Variants in FNDC3B observed in about 807,000 individuals in gnomAD.
FNDC3B encodes the protein fibronectin type III domain-containing protein 3B.
In FNDC3B, 12 loss-of-function variants were observed where a neutral mutation model predicts 151.5. The ratio of observed to expected loss-of-function variants is 0.08; its 90% CI spans 0.05 to 0.13. The LOEUF (loss-of-function observed/expected upper bound fraction) is 0.13, where lower values mean the gene tolerates loss of function less well. FNDC3B is among the 10% of genes least tolerant of loss of function. The pLI is 1.00. For missense variants in FNDC3B, 1,214 were observed against 1,505.3 expected (o/e 0.81, Z 3.20); for synonymous variants, 528 against 549.0 (o/e 0.96, Z 0.54).
intron 3 of FNDC3B, among the ~76,000 whole-genome samples, chr3:172,193,175 G>T (rs796306724): frequency 3.3e-5 from 1 of 30,668 alleles, no homozygotes. Context: ...CCTCATTCCC[G>T]CCCTTCCTCT....
At chr3:172,152,436 G>A (rs867287647) in intron 3 of FNDC3B, among the ~76,000 whole-genome samples, 1 of 152,120 alleles carries the variant, frequency 6.6e-6, no homozygotes, top group Admixed American at 6.5e-5. Flanking sequence ...GTGTTTCCAC[G>A]GGTGTGTTGC....
intron 16 of FNDC3B, among the ~76,000 whole-genome samples, chr3:172,340,671 A>G (rs368335289): frequency 6.6e-5 from 10 of 152,296 alleles, no homozygotes; most frequent in South Asian, 6.2e-4. Context: ...CTCTAGGCAG[A>G]TAAGAACAGG....
In FNDC3B at chr3:172,394,106, T is replaced by TTAAAAAAAAAA. The variant is rs1736153949; in HGVS notation, c.3304-3058_3304-3057insTAAAAAAAAAA. ...CTGGGTGACAGAGTGAGACTCCTTC[T>TTAAAAAAAAAA]AAAAAAAAAAAAAAAAAAAAAAAAA... is the stretch of plus-strand genomic sequence containing the variant. On this transcript the variant is annotated intron_variant, in intron 25 of 25. Transcript: ENST00000415807. 1.2e-3 allele frequency among the ~76,000 whole-genome samples: 20 copies of TTAAAAAAAAAA among 16,646 alleles called. 1 individual carries two copies. Among genetic ancestry groups the TTAAAAAAAAAA allele is most frequent in the Non-Finnish European group, 1.9e-3 (17 of 8,870 alleles). The allele number at this position is 16,646 out of a possible 152,430, so 10.9% of individuals were successfully genotyped here.
At chr3:172,099,126 TGAAAG>T (rs1719242646) in intron 1 of FNDC3B, among the ~76,000 whole-genome samples, 1 of 152,214 alleles carries the variant, frequency 6.6e-6, no homozygotes, top group Admixed American at 6.5e-5. Context: ...TTTTTAAAAA[TGAAAG>T]GGAAGTCTCT....
rs142977930 is a variant in FNDC3B, at chr3:172,072,694, A to T, written c.-29+32923A>T. Among the ~76,000 whole-genome samples, 71 of 152,312 alleles carry T rather than the reference A, an allele frequency of 4.7e-4. 2 individuals are homozygous for T. Among genetic ancestry groups the T allele is most frequent in the African/African-American group, 1.6e-3 (68 of 41,564 alleles). ...CAAGCTTAACATTAGGCGTGATGATAAGATAGTAAAATGGACTTTGTGGGC... is the reference window on the plus strand; with the variant it reads ...CAAGCTTAACATTAGGCGTGATGATTAGATAGTAAAATGGACTTTGTGGGC... On this transcript the variant is annotated intron_variant, in intron 1 of 25. Transcript: ENST00000415807.
intron 1 of FNDC3B, among the ~76,000 whole-genome samples, chr3:172,095,397 A>G (rs1246080646): frequency 6.6e-6 from 1 of 152,166 alleles, no homozygotes; most frequent in Non-Finnish European, 1.5e-5. Context: ...CCCCACCACC[A>G]CTGCCCATTG....
chr3:172,373,788 A>G (rs981784475), intron 23 of FNDC3B, among the ~76,000 whole-genome samples: 2 of 152,342 alleles, frequency 1.3e-5, no homozygotes, highest in East Asian at 1.9e-4. Flanking sequence ...GGCCCCGAAG[A>G]AGGAAGATTC....
chr3:172,072,396 G>A (rs774528387), intron 1 of FNDC3B, among the ~76,000 whole-genome samples: 5 of 151,528 alleles, frequency 3.3e-5, no homozygotes, highest in East Asian at 1.9e-4. Flanking sequence ...TCTTGACCTC[G>A]TTAGGGTTGT....
At chr3:172,273,783 A>G (rs544582255) in intron 6 of FNDC3B, among the ~76,000 whole-genome samples, 1 of 152,308 alleles carries the variant, frequency 6.6e-6, no homozygotes, top group South Asian at 2.1e-4. Flanking sequence ...GCTAAGGTGG[A>G]GTTTCTTCAA....
intron 16 of FNDC3B, 38 bp from the exon 17 acceptor site, chr3:172,341,075 C>A: frequency 7.3e-7 from 1 of 1,364,924 alleles, no homozygotes; most frequent in Non-Finnish European, 1.0e-6. Flanking sequence ...TACATTTTTA[C>A]AAGAGGCATA....
intron 3 of FNDC3B, among the ~76,000 whole-genome samples, chr3:172,188,638 C>G (rs180891998): frequency 6.6e-6 from 1 of 152,032 alleles, no homozygotes; most frequent in East Asian, 1.9e-4. Context: ...GTTTCTTGAC[C>G]TCGTGATCCG....
intron 25 of FNDC3B, among the ~76,000 whole-genome samples, chr3:172,394,651 A>G (rs1176436011): frequency 6.6e-6 from 1 of 152,222 alleles, no homozygotes; most frequent in East Asian, 1.9e-4. Flanking sequence ...AACTCTACCA[A>G]ATATTTAAAG....
chr3:172,162,181 G>A (rs1256061320), intron 3 of FNDC3B, among the ~76,000 whole-genome samples: 1 of 152,130 alleles, frequency 6.6e-6, no homozygotes, highest in Non-Finnish European at 1.5e-5. Flanking sequence ...GCTTCACCCT[G>A]TTGGCCAGGC....
chr3:172,237,364 G>A (rs1727221378), intron 4 of FNDC3B: 1 of 152,288 alleles, frequency 6.6e-6, no homozygotes, highest in Non-Finnish European at 1.5e-5. Context: ...AGGATTGCTT[G>A]AGCCCAGGAG....
At chr3:172,389,972 G>T (rs1341283884) in intron 25 of FNDC3B, among the ~76,000 whole-genome samples, 2 of 152,216 alleles carry the variant, frequency 1.3e-5, no homozygotes, top group East Asian at 3.8e-4. Context: ...TCTTGCCCCT[G>T]TGGTCTGTGT....
chr3:172,080,599 C>G (rs1718235772), intron 1 of FNDC3B, among the ~76,000 whole-genome samples: 1 of 152,076 alleles, frequency 6.6e-6, no homozygotes, highest in Non-Finnish European at 1.5e-5. Flanking sequence ...ATTTTTGACT[C>G]TAGTCTTGAA....
At chr3:172,384,370 A>G (rs1672615826) in intron 25 of FNDC3B, among the ~76,000 whole-genome samples, 1 of 152,204 alleles carries the variant, frequency 6.6e-6, no homozygotes, top group Admixed American at 6.5e-5. Flanking sequence ...TTCAGAGTAA[A>G]TAACTTACAT....
At chr3:172,201,880 GAA>G (rs1164669777) in intron 3 of FNDC3B, among the ~76,000 whole-genome samples, 1 of 152,220 alleles carries the variant, frequency 6.6e-6, no homozygotes, top group Non-Finnish European at 1.5e-5. Context: ...ATGCTGGTAT[GAA>G]AAGTTATTTG....
At chr3:172,059,010 C>T (rs1013847103) in intron 1 of FNDC3B, among the ~76,000 whole-genome samples, 1 of 152,158 alleles carries the variant, frequency 6.6e-6, no homozygotes, top group African/African-American at 2.4e-5. Flanking sequence ...GAGCAGTGAC[C>T]ATTTTGCCTC....
Sources: allele counts gnomAD v4.1 joint callset (sites outside exome capture counted in the v4.1 genomes callset), GRCh38; gene constraint gnomAD v4.1.1; transcripts MANE v1.5; gene names NCBI Gene and HGNC (gene_info 2026-07-23, HGNC 2026-07-21).